The following SLC3A1 variants were observed in gnomAD, a reference collection of about 807,000 sequenced individuals.
SLC3A1 encodes amino acid transporter heavy chain SLC3A1.
Under a neutral mutation model 60.3 loss-of-function variants are expected in SLC3A1, and 78 were observed. The observed-to-expected ratio is 1.29, with a 90% CI of 1.08 to 1.56. SLC3A1 has a LOEUF of 1.56. Among genes scored for constraint, SLC3A1 ranks in the 40% most tolerant of loss-of-function variants. SLC3A1 has a pLI of 0.00. For missense variants in SLC3A1, 1,172 were observed against 858.9 expected (o/e 1.36, Z -4.56); for synonymous variants, 392 against 307.9 (o/e 1.27, Z -2.86).
intron 1 of SLC3A1, among the ~76,000 whole-genome samples, chr2:44,279,944 C>T (rs951249395): frequency 6.6e-6 from 1 of 152,110 alleles, no homozygotes; most frequent in Non-Finnish European, 1.5e-5. Context: ...TGTTCCCTTA[C>T]AGCACATCTC....
intron 6 of SLC3A1, among the ~76,000 whole-genome samples, chr2:44,302,238 T>TA (rs1354688291): frequency 6.6e-6 from 1 of 152,194 alleles, no homozygotes; most frequent in Non-Finnish European, 1.5e-5. Context: ...TAGGGCCAGT[T>TA]AATTAACATA....
At chr2:44,276,081 T>C in intron 1 of SLC3A1, 116 bp downstream of exon 1, 1 of 895,816 alleles carries the variant, frequency 1.1e-6, no homozygotes, top group Non-Finnish European at 1.8e-6. Context: ...CCATTATGAC[T>C]GGTCATGCCA....
intron 4 of SLC3A1, among the ~76,000 whole-genome samples, chr2:44,291,637 C>A (rs1034695517): frequency 6.6e-6 from 1 of 152,160 alleles, no homozygotes; most frequent in Non-Finnish European, 1.5e-5. Flanking sequence ...TTCTGTCACC[C>A]TCCTCCCCAC....
intron 4 of SLC3A1, among the ~76,000 whole-genome samples, chr2:44,291,496 C>A (rs941806806): frequency 8.5e-5 from 13 of 152,082 alleles, no homozygotes; most frequent in Admixed American, 7.9e-4. Context: ...TTAATGCCTC[C>A]GGTTGAGAGA....
chr2:44,297,801 G>A (rs938260363), intron 4 of SLC3A1, among the ~76,000 whole-genome samples: 1 of 152,156 alleles, frequency 6.6e-6, no homozygotes, highest in African/African-American at 2.4e-5. Context: ...GTTTTGTCAT[G>A]TTGCCCGGCT....
Position 44,312,575 on chromosome 2 carries a change from C to G in SLC3A1, c.1333-11C>G, listed in dbSNP as rs768223270. On this transcript the variant is annotated splice_polypyrimidine_tract_variant and intron_variant, in intron 7 of 9. Coordinates refer to ENST00000260649, the MANE Select transcript of SLC3A1 (RefSeq NM_000341.4). The stretch of plus-strand genomic sequence containing the variant: ...TATACAGCTGTGTTCTTAAAAATAT[C>G]TGCCTTTCAGATTGGTGGACCAGAC... The G allele has an allele frequency of 4.3e-6, 7 of 1,613,614 alleles. No individual in the cohort carries two copies. The South Asian group carries it at 7.7e-5, about 18-fold the overall frequency.
At chr2:44,300,495 T>C (rs970491002) in intron 5 of SLC3A1, among the ~76,000 whole-genome samples, 1 of 152,088 alleles carries the variant, frequency 6.6e-6, no homozygotes, top group Non-Finnish European at 1.5e-5. Context: ...TAGAAAGACA[T>C]AGAAATGAGA....
intron 4 of SLC3A1, among the ~76,000 whole-genome samples, chr2:44,298,749 G>A (rs1384572630): frequency 6.6e-6 from 1 of 152,170 alleles, no homozygotes; most frequent in Non-Finnish European, 1.5e-5. Flanking sequence ...TGGGAACAAG[G>A]CAGCCCACGA....
At position 44,313,836 on chromosome 2, in the gene SLC3A1, A is replaced by T; in HGVS notation, c.1502A>T (p.Asn501Ile). ...TCCCTTTCTGGTCTTTTGACATAGA[A>T]TACCCTTCGCTCAAAGTCACCAATG... is the stretch of plus-strand genomic sequence containing the variant. ...AANLNESYDI[N>I]TLRSKSPMQW... The change falls in exon 9 of 10, where the codon AAT becomes ATT. Residue 501 changes from asparagine to isoleucine, a missense_variant and splice_region_variant. Physicochemically the swap from Asn to Ile is moderately radical, Grantham distance 149. Transcript: ENST00000260649. 6.2e-7 allele frequency: 1 copy of T among 1,612,158 alleles called. No homozygotes were observed. Among genetic ancestry groups the T allele is most frequent in the Non-Finnish European group, 8.5e-7 (1 of 1,178,174 alleles).
At chr2:44,284,121 C>A (rs111975401) in intron 3 of SLC3A1, among the ~76,000 whole-genome samples, 1 of 151,970 alleles carries the variant, frequency 6.6e-6, no homozygotes, top group African/African-American at 2.4e-5. Flanking sequence ...GCTCTGTCGC[C>A]CAGGCTGGAC....
chr2:44,286,097 G>A lies in SLC3A1; in HGVS notation c.831G>A (p.Gln277=). The change falls in exon 4 of 10, where the codon CAG becomes CAA. Residue 277 remains glutamine (Q), a synonymous_variant. Transcript: ENST00000260649. ...TGCGAAACCAATGTTATTTTCATCA[G>A]TTTATGAAAGAGCAACCTGATTTAA... ...DEVRNQCYFH[Q]FMKEQPDLNF... The A allele has an allele frequency of 3.1e-6, 5 of 1,613,874 alleles. No homozygotes were observed. The highest frequency in any genetic ancestry group is 4.2e-6 in the Non-Finnish European group (5 of 1,179,788).
intron 6 of SLC3A1, among the ~76,000 whole-genome samples, chr2:44,303,030 G>C (rs753438091): frequency 1.7e-4 from 26 of 151,704 alleles, no homozygotes; most frequent in Non-Finnish European, 3.2e-4. Flanking sequence ...GAAACCCTGT[G>C]TCTACTAAAA....
intron 2 of SLC3A1, 37 bp from the exon 3 acceptor site, chr2:44,281,350 T>A: frequency 6.4e-7 from 1 of 1,571,760 alleles, no homozygotes. Context: ...TCTAATACAA[T>A]CTTTCCCTAG....
chr2:44,313,806 T>C lies in SLC3A1; in HGVS notation c.1501-29T>C, dbSNP rs371179216. The stretch of plus-strand genomic sequence containing the variant: ...ACATTTCTTCTAATAACCAAACCAC[T>C]GTTTTCCCTTTCTGGTCTTTTGACA... On this transcript the variant is annotated intron_variant, in intron 8 of 9. Transcript: ENST00000260649. 2.0e-6 allele frequency: 3 copies of C among 1,529,636 alleles called. No homozygotes were observed. The South Asian group carries it at 3.4e-5, about 17-fold the overall frequency. The allele number at this position is 1,529,636 out of a possible 1,614,324, so 94.8% of individuals were successfully genotyped here. A position where few individuals can be genotyped will look rare whatever the true frequency, so the allele number is the denominator to read the frequency against.
chr2:44,295,870 G>C (rs1671836572), intron 4 of SLC3A1, among the ~76,000 whole-genome samples: 1 of 152,208 alleles, frequency 6.6e-6, no homozygotes. Context: ...CCCAACCAAT[G>C]TTCACACTTT....
rs553380099 is a variant in SLC3A1, at chr2:44,275,644, C to G, written c.109C>G (p.Pro37Ala). ...AGACATTCTGGAGCAGACCCCGGAT[C>G]CAGGAAGCTCAACAGACAACCTGAA... is the stretch of plus-strand genomic sequence containing the variant. ...NEDILEQTPD[P>A]GSSTDNLKHS... Residue 37 changes from proline (P) to alanine (A), a missense_variant, in exon 1 of 10, where the codon CCA (proline) becomes GCA (alanine). Physicochemically the swap from Pro to Ala is conservative, Grantham distance 27. Transcript: ENST00000260649. 3.1e-6 allele frequency: 5 copies of G among 1,614,170 alleles called. No individual in the cohort carries two copies. Among genetic ancestry groups the G allele is most frequent in the Non-Finnish European group, 4.2e-6 (5 of 1,180,006 alleles).
rs375399468 is a variant in SLC3A1, at chr2:44,301,075, C to T, written c.1084C>T (p.Arg362Cys). ...GCAGGTGGGAATGCACGACATTGTC[C>T]GCAGCTTCCGGCAGACCATGGACCA... is the stretch of plus-strand genomic sequence containing the variant. ...TTQVGMHDIVRSFRQTMDQYS... is the reference protein window; with the variant it reads ...TTQVGMHDIVCSFRQTMDQYS... The change falls in exon 6 of 10, where the codon CGC (arginine) becomes TGC (cysteine). Residue 362 changes from arginine to cysteine, a missense_variant. Transcript: ENST00000260649. 6.2e-5 allele frequency: 100 copies of T among 1,613,984 alleles called. No individual in the cohort carries two copies. Among genetic ancestry groups the T allele is most frequent in the Middle Eastern group, 3.3e-4 (2 of 6,084 alleles).
At chr2:44,285,214 C>T (rs1411868361) in intron 3 of SLC3A1, 1 of 155,350 alleles carries the variant, frequency 6.4e-6, no homozygotes, top group Non-Finnish European at 1.4e-5. Flanking sequence ...AAGGCAGCAG[C>T]TACTACTCAG....
intron 6 of SLC3A1, among the ~76,000 whole-genome samples, chr2:44,302,598 C>T (rs753452709): frequency 6.6e-6 from 1 of 152,138 alleles, no homozygotes; most frequent in Non-Finnish European, 1.5e-5. Flanking sequence ...AATATGCTGC[C>T]TCAAATAGCT....
Sources: allele counts gnomAD v4.1 joint callset (sites outside exome capture counted in the v4.1 genomes callset), GRCh38; gene constraint gnomAD v4.1.1; transcripts MANE v1.5; gene names NCBI Gene and HGNC (gene_info 2026-07-23, HGNC 2026-07-21).